RBFOX1: variants seen among roughly 807,000 people sequenced by gnomAD.
RBFOX1 encodes RNA binding protein fox-1 homolog 1.
RBFOX1 carries 8 observed loss-of-function variants against 57.7 expected under a neutral mutation model. The observed-to-expected ratio is 0.14, with a 90% CI of 0.08 to 0.25. The LOEUF (loss-of-function observed/expected upper bound fraction) is 0.25. RBFOX1 is among the 10% of genes least tolerant of loss of function. The pLI, the probability that RBFOX1 is intolerant of heterozygous loss-of-function variation, is 1.00. For synonymous variants in RBFOX1, 326 were observed against 222.4 expected (o/e 1.47, Z -4.15); for missense variants, 611 against 548.5 (o/e 1.11, Z -1.14).
chr16:6,385,619 C>T (rs776843107), intron 2 of RBFOX1, among the ~76,000 whole-genome samples: 3 of 152,224 alleles, frequency 2.0e-5, no homozygotes, highest in Admixed American at 6.5e-5. Flanking sequence ...CTCGGCCTCC[C>T]GATGTGCTGG....
chr16:5,700,065 C>G (rs1159110139), intron 3 of RBFOX1, among the ~76,000 whole-genome samples: 1 of 152,170 alleles, frequency 6.6e-6, no homozygotes, highest in African/African-American at 2.4e-5. Context: ...ATCTCCTGAC[C>G]TCATGATCTG....
chr16:7,073,004 A>G (rs1413922819), intron 4 of RBFOX1, among the ~76,000 whole-genome samples: 1 of 152,228 alleles, frequency 6.6e-6, no homozygotes, highest in Non-Finnish European at 1.5e-5. Context: ...GTGCAGGGTC[A>G]GGCTTTGTGA....
chr16:6,586,520 C>T (rs913805162), intron 2 of RBFOX1, among the ~76,000 whole-genome samples: 1 of 152,266 alleles, frequency 6.6e-6, no homozygotes, highest in East Asian at 1.9e-4. Context: ...ACAGTATTGT[C>T]TCATGTGATT....
intron 4 of RBFOX1, among the ~76,000 whole-genome samples, chr16:5,991,229 T>A (rs2060389578): frequency 6.6e-6 from 1 of 152,162 alleles, no homozygotes. Context: ...ATTCCCCATT[T>A]GCAGAGGAGC....
intron 4 of RBFOX1, among the ~76,000 whole-genome samples, chr16:7,258,950 TC>T (rs2094808231): frequency 6.6e-6 from 1 of 152,144 alleles, no homozygotes; most frequent in Non-Finnish European, 1.5e-5. Context: ...GAAAGATGGG[TC>T]CTGTTTCACC....
chr16:7,329,408 C>T (rs1295145457), intron 4 of RBFOX1, among the ~76,000 whole-genome samples: 5 of 152,318 alleles, frequency 3.3e-5, no homozygotes, highest in Non-Finnish European at 5.9e-5. Context: ...ACCATGTGCA[C>T]TGCCACTGGG....
chr16:7,530,970 A>G (rs1036224458), intron 5 of RBFOX1, among the ~76,000 whole-genome samples: 1 of 152,126 alleles, frequency 6.6e-6, no homozygotes, highest in Non-Finnish European at 1.5e-5. Context: ...CTTGCATGCC[A>G]TCTCAGTGTC....
intron 1 of RBFOX1, among the ~76,000 whole-genome samples, chr16:5,294,431 T>C (rs2063612060): frequency 6.6e-6 from 1 of 152,154 alleles, no homozygotes; most frequent in Non-Finnish European, 1.5e-5. Flanking sequence ...CTTGTGTCCT[T>C]TTCTAGCCTG....
chr16:7,071,037 A>G (rs528371952), intron 4 of RBFOX1, among the ~76,000 whole-genome samples: 1 of 152,170 alleles, frequency 6.6e-6, no homozygotes, highest in Non-Finnish European at 1.5e-5. Context: ...ATGAACTTCA[A>G]AAAACAGCAT....
chr16:6,886,861 A>G (rs566851022), intron 3 of RBFOX1, among the ~76,000 whole-genome samples: 1 of 150,264 alleles, frequency 6.7e-6, no homozygotes, highest in Non-Finnish European at 1.5e-5. Context: ...TGGCAAAAAT[A>G]AAAGAGATGC....
intron 4 of RBFOX1, among the ~76,000 whole-genome samples, chr16:7,222,981 C>G (rs1332742867): frequency 6.6e-6 from 1 of 152,140 alleles, no homozygotes; most frequent in Non-Finnish European, 1.5e-5. Flanking sequence ...GCATAAACAT[C>G]TGGGCTGCAT....
intron 3 of RBFOX1, among the ~76,000 whole-genome samples, chr16:5,648,152 A>C (rs926966974): frequency 1.5e-4 from 23 of 152,246 alleles, no homozygotes; most frequent in African/African-American, 5.1e-4. Context: ...GAGCCACTGC[A>C]CCTGGCCACC....
At chr16:6,843,554 T>C (rs2093604727) in intron 3 of RBFOX1, among the ~76,000 whole-genome samples, 1 of 151,968 alleles carries the variant, frequency 6.6e-6, no homozygotes, top group Non-Finnish European at 1.5e-5. Flanking sequence ...CTAGGCATGG[T>C]GGCGGGCACC....
chr16:7,545,902 CAG>C (rs2084335287), intron 5 of RBFOX1, among the ~76,000 whole-genome samples: 1 of 150,964 alleles, frequency 6.6e-6, no homozygotes, highest in Non-Finnish European at 1.5e-5. Flanking sequence ...GCCTACCTGA[CAG>C]AACTGTTTTG....
downstream of RBFOX1, chr16:5,601,231 G>C (rs2047353865): frequency 6.6e-6 from 1 of 152,424 alleles, no homozygotes; most frequent in South Asian, 2.1e-4. Context: ...GGTCCCATGT[G>C]AGCTGGGGCT....
intron 4 of RBFOX1, among the ~76,000 whole-genome samples, chr16:5,965,365 C>G (rs780389090): frequency 3.9e-5 from 6 of 152,124 alleles, no homozygotes; most frequent in Admixed American, 2.6e-4. Context: ...TTATGGTAAT[C>G]ACTTCAAAAT....
Position 6,954,467 on chromosome 16 carries a change from T to A in RBFOX1, c.-15-97590T>A, listed in dbSNP as rs182331356. ...ATAAATTGTCAAGCAGGAACAAAAC[T>A]CAGTTTAAAACGTAATTTTGTTGAA... On this transcript the variant is annotated intron_variant, in intron 3 of 15. Coordinates refer to ENST00000550418, the MANE Select transcript of RBFOX1 (RefSeq NM_018723.4). Among the ~76,000 whole-genome samples, 27 of 152,268 alleles carry A rather than the reference T, an allele frequency of 1.8e-4. 1 individual carries two copies. In the East Asian group the frequency reaches 5.2e-3, roughly 29 times the overall value.
intron 3 of RBFOX1, among the ~76,000 whole-genome samples, chr16:6,709,145 T>C (rs530633781): frequency 6.6e-6 from 1 of 152,266 alleles, no homozygotes; most frequent in African/African-American, 2.4e-5. Flanking sequence ...TAAAGATGCT[T>C]TATTGAAAGC....
chr16:7,012,293 C>T (rs137932855), intron 3 of RBFOX1, among the ~76,000 whole-genome samples: 60 of 152,298 alleles, frequency 3.9e-4, no homozygotes, highest in African/African-American at 1.3e-3. Context: ...GGCTGACAGA[C>T]CAAATGTCTG....
Sources: gnomAD v4.1 joint callset for allele counts (sites outside exome capture counted in the v4.1 genomes callset) on GRCh38, gnomAD v4.1.1 for gene constraint, MANE v1.5 for transcripts, NCBI Gene and HGNC (gene_info 2026-07-23, HGNC 2026-07-21) for gene names.